The following AKR1E2 variants were observed in gnomAD, a reference collection of about 807,000 sequenced individuals.
AKR1E2 encodes the protein aldo-keto reductase family 1 member E2, also known as 1,5-anhydro-D-fructose reductase.
A neutral mutation model predicts 41.9 loss-of-function variants in AKR1E2; 43 were observed. That is an observed-to-expected ratio of 1.03 (90% CI 0.80 to 1.32). The LOEUF is 1.32. Ranked by LOEUF, AKR1E2 falls within the 40% of genes most tolerant of loss-of-function variation. AKR1E2 has a pLI of 0.00. For synonymous variants in AKR1E2, 121 were observed against 138.9 expected (o/e 0.87, Z 0.91); for missense variants, 423 against 396.5 (o/e 1.07, Z -0.57).
downstream of AKR1E2, among the ~76,000 whole-genome samples, chr10:4,852,460 T>C (rs1049909246): frequency 1.3e-5 from 2 of 152,234 alleles, no homozygotes. Flanking sequence ...CGATTAATTC[T>C]TGTAAAATAA....
chr10:4,872,134 G>A, the AKR1E2 span, among the ~76,000 whole-genome samples: 4 of 152,112 alleles, frequency 2.6e-5, no homozygotes, highest in East Asian at 1.9e-4. Context: ...ACCTACACAC[G>A]TGGGCACACA....
downstream of AKR1E2, among the ~76,000 whole-genome samples, chr10:4,849,110 G>C (rs1278731553): frequency 1.3e-5 from 2 of 152,192 alleles, no homozygotes; most frequent in East Asian, 3.9e-4. Context: ...ACTGGTGCAA[G>C]AGCTTCATGG....
the AKR1E2 span, among the ~76,000 whole-genome samples, chr10:4,864,875 C>T: frequency 6.6e-6 from 1 of 152,314 alleles, no homozygotes; most frequent in Admixed American, 6.5e-5. Flanking sequence ...AGTCTTCCAA[C>T]AAGGCTATCC....
At chr10:4,845,564 C>A (rs1834271732) in intron 8 of AKR1E2, among the ~76,000 whole-genome samples, 1 of 151,482 alleles carries the variant, frequency 6.6e-6, no homozygotes, top group Non-Finnish European at 1.5e-5. Flanking sequence ...GCTAGGATTG[C>A]CCCTGGGAGG....
the AKR1E2 span, among the ~76,000 whole-genome samples, chr10:4,872,680 G>T: frequency 6.6e-6 from 1 of 151,902 alleles, no homozygotes; most frequent in African/African-American, 2.4e-5. Context: ...GAGTACCCAG[G>T]GAGAGACTAG....
chr10:4,854,907 A>G, the AKR1E2 span, among the ~76,000 whole-genome samples: 8 of 152,162 alleles, frequency 5.3e-5, no homozygotes, highest in Non-Finnish European at 1.0e-4. Flanking sequence ...GTTTGGCACT[A>G]TGGGATGTTA....
At chr10:4,858,441 G>T in the AKR1E2 span, among the ~76,000 whole-genome samples, 1 of 152,064 alleles carries the variant, frequency 6.6e-6, no homozygotes, top group Non-Finnish European at 1.5e-5. Flanking sequence ...ATTGTCTTTG[G>T]TCTTTACCAC....
intron 8 of AKR1E2, among the ~76,000 whole-genome samples, chr10:4,845,135 C>T (rs535987013): frequency 1.7e-4 from 26 of 152,316 alleles, no homozygotes; most frequent in South Asian, 1.4e-3. Flanking sequence ...GGACCTAGCA[C>T]GCCCTCCTCA....
the AKR1E2 span, among the ~76,000 whole-genome samples, chr10:4,860,427 G>A: frequency 6.6e-6 from 1 of 152,170 alleles, no homozygotes; most frequent in African/African-American, 2.4e-5. Flanking sequence ...TAGCTGTTGT[G>A]ATGGACTCTT....
chr10:4,860,535 T>C, the AKR1E2 span, among the ~76,000 whole-genome samples: 4 of 152,210 alleles, frequency 2.6e-5, no homozygotes, highest in Non-Finnish European at 5.9e-5. Flanking sequence ...ACTTTTTTGA[T>C]TGCACCTCTA....
chr10:4,848,611 C>G (rs567884990), downstream of AKR1E2, among the ~76,000 whole-genome samples: 2 of 152,308 alleles, frequency 1.3e-5, no homozygotes, highest in African/African-American at 4.8e-5. Context: ...TCTTGTGTCC[C>G]CCACATCAGC....
upstream of AKR1E2, among the ~76,000 whole-genome samples, chr10:4,825,318 A>C (rs1242567216): frequency 1.3e-5 from 2 of 152,194 alleles, no homozygotes; most frequent in Admixed American, 6.5e-5. Flanking sequence ...TCAAGGCAGT[A>C]GGACTCCCAG....
intron 1 of AKR1E2, 42 bp from the exon 2 acceptor site, chr10:4,830,633 C>A: frequency 6.2e-7 from 1 of 1,607,762 alleles, no homozygotes; most frequent in South Asian, 1.1e-5. Context: ...GTGTTGGATT[C>A]CTCTGACTGT....
the AKR1E2 span, among the ~76,000 whole-genome samples, chr10:4,857,701 A>G: frequency 4.0e-3 from 602 of 152,340 alleles, 1 homozygote; most frequent in Middle Eastern, 0.014. Context: ...AAATTTTTAA[A>G]AAGATTCATC....
intron 8 of AKR1E2, among the ~76,000 whole-genome samples, chr10:4,846,713 T>G (rs1588490094): frequency 6.6e-6 from 1 of 152,180 alleles, no homozygotes; most frequent in East Asian, 1.9e-4. Flanking sequence ...GTCCGGCTAA[T>G]TTTTAAATTT....
the AKR1E2 span, among the ~76,000 whole-genome samples, chr10:4,870,493 C>A: frequency 2.2e-5 from 1 of 46,354 alleles, no homozygotes; most frequent in Non-Finnish European, 6.5e-5. Flanking sequence ...GAAAAAAAAT[C>A]TTTTATTTTA....
At chr10:4,833,857 A>C (rs898098450) in intron 3 of AKR1E2, among the ~76,000 whole-genome samples, 1 of 152,178 alleles carries the variant, frequency 6.6e-6, no homozygotes, top group Non-Finnish European at 1.5e-5. Flanking sequence ...TTTGGGGAGT[A>C]AATGCTGTTT....
At chr10:4,860,892 A>G in the AKR1E2 span, among the ~76,000 whole-genome samples, 44 of 152,286 alleles carry the variant, frequency 2.9e-4, no homozygotes, top group African/African-American at 1.0e-3. Flanking sequence ...ATGGCAGTCA[A>G]CTGCAGCTAA....
intron 3 of AKR1E2, among the ~76,000 whole-genome samples, chr10:4,834,429 G>T (rs1209607404): frequency 6.6e-6 from 1 of 152,240 alleles, no homozygotes; most frequent in African/African-American, 2.4e-5. Flanking sequence ...GGCAAAACCA[G>T]AGTGATGTCT....
Sources: allele counts gnomAD v4.1 joint callset (sites outside exome capture counted in the v4.1 genomes callset), GRCh38; gene constraint gnomAD v4.1.1; transcripts MANE v1.5; gene names NCBI Gene and HGNC (gene_info 2026-07-23, HGNC 2026-07-21).